The following MYH6 variants were observed in gnomAD, a reference collection of about 807,000 sequenced individuals.
MYH6 encodes myosin-6.
In MYH6, 126 loss-of-function variants were observed where a neutral mutation model predicts 223.2. That is an observed-to-expected ratio of 0.56 (90% CI 0.49 to 0.65). The LOEUF is 0.65. Among genes scored for constraint, MYH6 ranks in the 30% least tolerant of loss-of-function variants. MYH6 has a pLI of 0.00. For synonymous variants in MYH6, 978 were observed against 1,010.2 expected (o/e 0.97, Z 0.61); for missense variants, 2,040 against 2,536.4 (o/e 0.80, Z 4.20).
chr14:23,387,555 G>T lies in MYH6; in HGVS notation c.4624C>A (p.Leu1542Met), dbSNP rs750721562. The T allele has an allele frequency of 3.7e-6, 6 of 1,613,888 alleles. No individual in the cohort carries two copies. The African/African-American group carries it at 8.0e-5, about 22-fold the overall frequency. Residue 1542 changes from leucine to methionine, a missense_variant, in exon 32 of 39, where the codon CTG (leucine) becomes ATG (methionine). Physicochemically the swap from Leu to Met is conservative, Grantham distance 15. This residue lies in a region of MYH6 where 1,203 missense variants were observed against 1,400.2 expected (regional missense o/e 0.86). Coordinates refer to ENST00000405093, the MANE Select transcript of MYH6 (RefSeq NM_002471.4). ...TCTGCCTCCTCCAGGGCTGACTGCA[G>T]CTCCAGCTTCTCCACCTCCAGCTGT... ...RKQLEVEKLE[L>M]QSALEEAEAS...
chr14:23,406,239 C>T (rs1891783414), intron 3 of MYH6, among the ~76,000 whole-genome samples: 3 of 152,236 alleles, frequency 2.0e-5, no homozygotes, highest in Admixed American at 2.0e-4. Flanking sequence ...CCATCCATCA[C>T]TGTTGGTGTG....
chr14:23,388,655 G>A lies in MYH6; in HGVS notation c.4175+204C>T, dbSNP rs747303454. 21 of 935,596 alleles carry A rather than the reference G, an allele frequency of 2.2e-5. No homozygotes were observed. The African/African-American group carries it at 2.4e-4, about 11-fold the overall frequency. 58.0% of individuals were successfully genotyped at this position (935,596 alleles called of 1,614,324 possible). A position where few individuals can be genotyped will look rare whatever the true frequency, so the allele number is the denominator to read the frequency against. On this transcript the variant is annotated intron_variant, in intron 29 of 38. Transcript: ENST00000405093. ...GCATCAGGTATAACCCGGGCCAAAAGCTCGCCCGTCACAGGAAGTGGGTCA... is the reference window on the plus strand; with the variant it reads ...GCATCAGGTATAACCCGGGCCAAAAACTCGCCCGTCACAGGAAGTGGGTCA...
Position 23,402,614 on chromosome 14 carries a change from C to A in MYH6, c.1003-12G>T. 1 of 1,613,686 alleles carries A rather than the reference C, an allele frequency of 6.2e-7. No homozygotes were observed. Among genetic ancestry groups the A allele is most frequent in the Non-Finnish European group, 8.5e-7 (1 of 1,179,950 alleles). ...ACGTCAAAGGCACTCTGGGACAGAG[C>A]GAGAGACAAAGAGGGGGGTTGGAGC... On this transcript the variant is annotated splice_polypyrimidine_tract_variant and intron_variant, in intron 11 of 38. Coordinates refer to ENST00000405093, the MANE Select transcript of MYH6 (RefSeq NM_002471.4).
chr14:23,392,316 A>C (rs530388592), intron 25 of MYH6, among the ~76,000 whole-genome samples: 4 of 152,230 alleles, frequency 2.6e-5, no homozygotes, highest in African/African-American at 9.6e-5. Flanking sequence ...GAGGCAGAGC[A>C]GATCTCAGAA....
Position 23,396,780 on chromosome 14 carries a change from G to A in MYH6, c.2206C>T (p.Gln736Ter). Residue 736 changes from glutamine (Q) to a stop codon, truncating the protein, a stop_gained, in exon 19 of 39, where the codon CAG (glutamine) becomes TAG (stop). Coordinates refer to ENST00000405093, the MANE Select transcript of MYH6 (RefSeq NM_002471.4). LOFTEE classifies it high-confidence loss of function. ...ILNPVAIPEG[Q>*]FIDSRKGTEK... ...GTCCCCTTCCTGCTATCAATGAACT[G>A]TCCCTCAGGGATGGCCACTGGGTTC... 1 of 1,613,970 alleles carries A rather than the reference G, an allele frequency of 6.2e-7. No individual in the cohort carries two copies. The highest frequency in any genetic ancestry group is 8.5e-7 in the Non-Finnish European group (1 of 1,179,868).
chr14:23,392,570 C>T lies in MYH6; in HGVS notation c.3334G>A (p.Glu1112Lys). ...CTGGGAAAAAAAGTCACCTGGTTTT[C>T]CTTCAGTTTCTTCTGTAGTTGAAGG... is the stretch of plus-strand genomic sequence containing the variant. ...LALQLQKKLK[E>K]NQARIEELEE... The change falls in exon 25 of 39, where the codon GAA becomes AAA. Residue 1112 changes from glutamate to lysine, a missense_variant. Transcript: ENST00000405093. 1 of 1,610,692 alleles carries T rather than the reference C, an allele frequency of 6.2e-7. No homozygotes were observed. The highest frequency in any genetic ancestry group is 2.2e-5 in the East Asian group (1 of 44,732).
intron 29 of MYH6, 77 bp from the exon 30 acceptor site, chr14:23,388,415 C>T (rs529649095): frequency 1.4e-5 from 22 of 1,586,040 alleles, no homozygotes; most frequent in South Asian, 2.2e-5. Context: ...CTCCTTCCAC[C>T]CCCTCCCTAT....
intron 25 of MYH6, among the ~76,000 whole-genome samples, chr14:23,391,759 C>T (rs547252910): frequency 2.2e-4 from 34 of 152,260 alleles, no homozygotes; most frequent in African/African-American, 7.7e-4. Flanking sequence ...AGTGGACTTC[C>T]AGGTCTCTTC....
intron 36 of MYH6, 21 bp from the exon 37 acceptor site, chr14:23,383,341 G>GCCCCCCCCCCCCCCCC: frequency 1.8e-6 from 1 of 556,558 alleles, no homozygotes; most frequent in Non-Finnish European, 3.3e-6. Flanking sequence ...GAGGGTGGGA[G>GCCCCCCCCCCCCCCCC]AAGCTGGTTT....
At position 23,389,291 on chromosome 14, in the gene MYH6, CT is replaced by C. The variant is rs1380967899; in HGVS notation, c.3978+101del. On this transcript the variant is annotated intron_variant, in intron 28 of 38. Transcript: ENST00000405093. ...AGAACCTAGACTGGAGGGTCTTTCC[CT>C]TGCAGAGGACTCTTTCCAGCTCCAG... is the stretch of plus-strand genomic sequence containing the variant. The C allele has an allele frequency of 1.2e-5, 16 of 1,379,782 alleles. No homozygotes were observed. In the African/African-American group the frequency reaches 2.3e-4, roughly 20 times the overall value. The allele number at this position is 1,379,782 out of a possible 1,614,324, so 85.5% of individuals were successfully genotyped here.
rs762923098 is a variant in MYH6, at chr14:23,382,532, A to G, written c.5692T>C (p.Phe1898Leu). 5.0e-5 allele frequency: 80 copies of G among 1,614,006 alleles called. No individual in the cohort carries two copies. In the South Asian group the frequency reaches 7.6e-4, roughly 15 times the overall value. ...EEQANTNLSKFRKVQHELDEA... is the reference protein window; with the variant it reads ...EEQANTNLSKLRKVQHELDEA... ...TCCAGCTCATGCTGCACCTTGCGGA[A>G]CTTGGACAGGTTGGTGTTGGCTTGC... is the stretch of plus-strand genomic sequence containing the variant. Residue 1898 changes from phenylalanine (F) to leucine (L), a missense_variant, in exon 38 of 39, where the codon TTC becomes CTC. By Grantham distance (22) the Phe-to-Leu change is conservative (BLOSUM62 0). Transcript: ENST00000405093.
Position 23,394,146 on chromosome 14 carries a change from C to T in MYH6, c.2607G>A (p.Glu869=). Residue 869 remains glutamate (E), a synonymous_variant, in exon 21 of 39, where the codon GAG becomes GAA. Transcript: ENST00000405093. The part of the protein sequence containing the change: ...GRIKETLEKS[E]ARRKELEEKM... The stretch of plus-strand genomic sequence containing the variant: ...TCTCCTCCAGCTCCTTGCGGCGAGC[C>T]TCGGACTTCTCCAGCGTCTCTTTGA... The T allele has an allele frequency of 6.2e-7, 1 of 1,614,236 alleles. No individual in the cohort carries two copies. The highest frequency in any genetic ancestry group is 8.5e-7 in the Non-Finnish European group (1 of 1,180,038).
chr14:23,398,981 G>A lies in MYH6; in HGVS notation c.1638C>T (p.Asp546=), dbSNP rs764088672. Residue 546 remains aspartate (D), a synonymous_variant, in exon 15 of 39, where the codon GAC becomes GAT. Transcript: ENST00000405093. The stretch of plus-strand genomic sequence containing the variant: ...CGTACAGCTTGGCCTTGAAGGTCAT[G>A]TCAGTGGCCTTGGGGAACATGCACT... ...EEECMFPKAT[D]MTFKAKLYDN... 1.2e-6 allele frequency: 2 copies of A among 1,614,168 alleles called. No individual in the cohort carries two copies. Among genetic ancestry groups the A allele is most frequent in the East Asian group, 2.2e-5 (1 of 44,876 alleles).
At position 23,393,874 on chromosome 14, in the gene MYH6, C is replaced by T. The variant is rs1234082079; in HGVS notation, c.2720G>A (p.Cys907Tyr). ...QDNLNDAEER[C>Y]DQLIKNKIQL... ...AATCTTGTTTTTGATCAGCTGGTCG[C>T]AGCGCTCCTCAGCATCATTGAGGTT... The change falls in exon 22 of 39, where the codon TGC becomes TAC. Residue 907 changes from cysteine (C) to tyrosine (Y), a missense_variant. By Grantham distance (194) the Cys-to-Tyr change is radical. Transcript: ENST00000405093. 1 of 1,614,198 alleles carries T rather than the reference C, an allele frequency of 6.2e-7. No individual in the cohort carries two copies. The highest frequency in any genetic ancestry group is 2.2e-5 in the East Asian group (1 of 44,884).
At chr14:23,401,387 T>A (rs1891596542) in intron 12 of MYH6, among the ~76,000 whole-genome samples, 1 of 152,218 alleles carries the variant, frequency 6.6e-6, no homozygotes, top group Admixed American at 6.5e-5. Context: ...CAATTTCTTT[T>A]CCTTAAAGAG....
chr14:23,384,313 G>A, intron 36 of MYH6, 129 bp downstream of exon 36: 1 of 1,423,254 alleles, frequency 7.0e-7, no homozygotes, highest in Non-Finnish European at 9.7e-7. Flanking sequence ...TGACTGCAGA[G>A]CGTGAGAAGA....
intron 36 of MYH6, among the ~76,000 whole-genome samples, chr14:23,383,554 G>A (rs1890925961): frequency 6.6e-6 from 1 of 152,178 alleles, no homozygotes; most frequent in African/African-American, 2.4e-5. Flanking sequence ...AAAGCTAGAA[G>A]TAGGGGGAGG....
rs745473249 is a variant in MYH6 at position 23,384,659 on chromosome 14, C to A, written c.5348G>T (p.Arg1783Leu). ...GGTCTGCTCCATGTTCTTCTTCATG[C>A]GCTCCAGGTGGGCGCTGGTGTCCTG... ...KEQDTSAHLE[R>L]MKKNMEQTIK... is the part of the protein sequence containing the mutation. Residue 1783 changes from arginine to leucine, a missense_variant, in exon 36 of 39, where the codon CGC becomes CTC. Physicochemically the swap from Arg to Leu is moderately radical, Grantham distance 102. Transcript: ENST00000405093. The A allele has an allele frequency of 3.1e-6, 5 of 1,614,216 alleles. No individual in the cohort carries two copies. The highest frequency in any genetic ancestry group is 4.2e-6 in the Non-Finnish European group (5 of 1,180,056).
At position 23,382,455 on chromosome 14, in the gene MYH6, T is replaced by C; in HGVS notation, c.5769A>G (p.Arg1923=). Residue 1923 remains arginine, a synonymous_variant, in exon 38 of 39, where the codon CGA becomes CGG. Transcript: ENST00000405093. ...TGGCACCAATGTCACGGCTCTTGGC[T>C]CGAAGCTTGTTGACCTGGGACTCAG... ...DIAESQVNKL[R]AKSRDIGAKQ... The C allele has an allele frequency of 6.2e-7, 1 of 1,614,154 alleles. No individual in the cohort carries two copies. The highest frequency in any genetic ancestry group is 8.5e-7 in the Non-Finnish European group (1 of 1,180,022).
Sources: allele counts gnomAD v4.1 joint callset (sites outside exome capture counted in the v4.1 genomes callset), GRCh38; gene constraint gnomAD v4.1.1; regional missense constraint gnomAD v4.1.1; transcripts MANE v1.5; gene names NCBI Gene and HGNC (gene_info 2026-07-23, HGNC 2026-07-21).